The following SYT7 variants were observed in gnomAD, a reference collection of about 807,000 sequenced individuals.
SYT7 encodes the protein synaptotagmin 7.
In SYT7, 29 loss-of-function variants were observed where a neutral mutation model predicts 75.1. The ratio of observed to expected loss-of-function variants is 0.39; its 90% CI spans 0.29 to 0.53. The LOEUF (loss-of-function observed/expected upper bound fraction) is 0.53, where lower values mean the gene tolerates loss of function less well. SYT7 is among the 20% of genes least tolerant of loss of function. The probability of loss-of-function intolerance (pLI) is 0.77; values close to 1 mark genes in which losing one functional copy is unlikely to be tolerated. For missense variants in SYT7, 693 were observed against 953.2 expected, an observed-to-expected ratio of 0.73 and a Z score of 3.59; for synonymous variants, 376 against 401.7, an observed-to-expected ratio of 0.94 and a Z score of 0.76.
chr11:61,538,327 AG>A (rs1565180172), intron 6 of SYT7, 61 bp from the exon 7 acceptor site: 21 of 662,400 alleles, frequency 3.2e-5, no homozygotes, highest in Non-Finnish European at 4.1e-5. Flanking sequence ...GGGCGGGGGC[AG>A]GGGGGAAGGA....
chr11:61,546,832 C>A lies in SYT7; in HGVS notation c.347+345G>T, dbSNP rs2063206056. 6.6e-6 allele frequency among the ~76,000 whole-genome samples: 1 copy of A among 152,216 alleles called. No homozygotes were observed. The highest frequency in any genetic ancestry group is 1.9e-4 in the East Asian group (1 of 5,158). On this transcript the variant is annotated intron_variant, in intron 4 of 12. Coordinates refer to ENST00000539008, the MANE Select transcript of SYT7 (RefSeq NM_001365809.2). This position sits in a 1 kb window ranked among gnomAD's most constrained non-coding sequence, Gnocchi z 7.6. The stretch of plus-strand genomic sequence containing the variant: ...AGCGGGGAGGAAGAAGCGACCACAA[C>A]CGAGGGGGCGGGACCCAAACGGGCA...
rs538589159 is a variant in SYT7, at chr11:61,557,365, T to G, written c.32-1158A>C. On this transcript the variant is annotated intron_variant, in intron 1 of 12. Coordinates refer to ENST00000539008, the MANE Select transcript of SYT7 (RefSeq NM_001365809.2). The stretch of plus-strand genomic sequence containing the variant: ...TTAAGAGTTGACAGTATCTGTCTGG[T>G]TCTGGTTCCTGCGGTTTTAGCTTCT... Among the ~76,000 whole-genome samples the G allele has an allele frequency of 4.1e-3, 617 of 152,326 alleles. 4 individuals carry two copies. Among genetic ancestry groups the G allele is most frequent in the African/African-American group, 0.014 (595 of 41,558 alleles).
At chr11:61,557,113 C>T (rs566315541) in intron 1 of SYT7, among the ~76,000 whole-genome samples, 1 of 152,294 alleles carries the variant, frequency 6.6e-6, no homozygotes, top group Non-Finnish European at 1.5e-5. Context: ...CAGACCTCCT[C>T]CCCCGCCCTC....
At position 61,580,675 on chromosome 11, in the gene SYT7, C is replaced by T; in HGVS notation, c.31+115G>A. 1 of 669,792 alleles carries T rather than the reference C, an allele frequency of 1.5e-6. No homozygotes were observed. The allele number at this position is 669,792 out of a possible 1,614,324, so 41.5% of individuals were successfully genotyped here. A position where few individuals can be genotyped will look rare whatever the true frequency, so the allele number is the denominator to read the frequency against. ...GGGCTGGGATGACCCCTGGGGGAGC[C>T]CGTGCGGCTCCGGGCGGACAACAGC... On this transcript the variant is annotated intron_variant, in intron 1 of 12. Coordinates refer to ENST00000539008, the MANE Select transcript of SYT7 (RefSeq NM_001365809.2). The surrounding 1 kb of genome is among the most constrained non-coding windows in gnomAD (Gnocchi z 6.1).
intron 1 of SYT7, among the ~76,000 whole-genome samples, chr11:61,564,608 C>T (rs2063719003): frequency 6.6e-6 from 1 of 152,218 alleles, no homozygotes; most frequent in African/African-American, 2.4e-5. Flanking sequence ...AACCCTGTGG[C>T]TCTTACTCTT....
the SYT7 span, among the ~76,000 whole-genome samples, chr11:61,586,154 C>G: frequency 2.6e-5 from 4 of 152,336 alleles, no homozygotes; most frequent in African/African-American, 9.6e-5. Flanking sequence ...ACCCTGTAAC[C>G]TCTTCATCCA....
intron 5 of SYT7, 81 bp downstream of exon 5, chr11:61,545,950 C>T: frequency 3.9e-6 from 5 of 1,292,242 alleles, no homozygotes; most frequent in Non-Finnish European, 5.3e-6. Flanking sequence ...CAGCAGCGGG[C>T]ATGCCAGGGG....
At chr11:61,573,073 G>C (rs527300933) in intron 1 of SYT7, among the ~76,000 whole-genome samples, 5 of 133,832 alleles carry the variant, frequency 3.7e-5, no homozygotes, top group South Asian at 2.1e-4. Context: ...GGCATGGAGA[G>C]GGGGGGTGGC....
At chr11:61,556,440 T>C (rs1438898598) in intron 1 of SYT7, among the ~76,000 whole-genome samples, 1 of 152,220 alleles carries the variant, frequency 6.6e-6, no homozygotes, top group Non-Finnish European at 1.5e-5. Flanking sequence ...TTGGCATCTT[T>C]CTCTGTCTCT....
chr11:61,564,616 C>CT lies in SYT7; in HGVS notation c.32-8410dup, dbSNP rs1313983905. ...GACCTCAAACCCTGTGGCTCTTACT[C>CT]TTGTTCCACCCTAGGGGAGCCACGC... On this transcript the variant is annotated intron_variant, in intron 1 of 12. Transcript: ENST00000539008. Among the ~76,000 whole-genome samples, 4 of 152,172 alleles carry CT rather than the reference C, an allele frequency of 2.6e-5. No homozygotes were observed. The South Asian group carries it at 8.3e-4, about 32-fold the overall frequency.
chr11:61,562,006 G>A (rs375390233), intron 1 of SYT7, among the ~76,000 whole-genome samples: 1 of 151,588 alleles, frequency 6.6e-6, no homozygotes, highest in Non-Finnish European at 1.5e-5. Flanking sequence ...TTTTACAAGT[G>A]TGTGTGCGCG....
Position 61,542,462 on chromosome 11 carries a change from C to T in SYT7, c.690G>A (p.Pro230=), listed in dbSNP as rs750165520. ...GCCGGCCCCGCTGGTGCTGGCTCAG[C>T]GGCTGTTGCAGGCTCTGCTGCCGCA... ...TLMRQQSLQQ[P]LSQHQRGRQP... The change falls in exon 6 of 13, where the codon CCG becomes CCA. Residue 230 remains proline (P), a synonymous_variant. Transcript: ENST00000539008. This position sits in a 1 kb window ranked among gnomAD's most constrained non-coding sequence, Gnocchi z 7.8. 34 of 1,532,844 alleles carry T rather than the reference C, an allele frequency of 2.2e-5. No individual in the cohort carries two copies. The highest frequency in any genetic ancestry group is 8.2e-5 in the African/African-American group (6 of 72,888). The allele number at this position is 1,532,844 out of a possible 1,614,324, so 95.0% of individuals were successfully genotyped here.
intron 1 of SYT7, among the ~76,000 whole-genome samples, chr11:61,563,848 T>A (rs994607164): frequency 6.6e-6 from 1 of 152,212 alleles, no homozygotes; most frequent in Admixed American, 6.5e-5. Flanking sequence ...CTTCCCCAAC[T>A]GGGAGCACCT....
chr11:61,575,365 G>A (rs1253863766), intron 1 of SYT7, among the ~76,000 whole-genome samples: 2 of 152,186 alleles, frequency 1.3e-5, no homozygotes, highest in Non-Finnish European at 2.9e-5. Context: ...TCACTACAGA[G>A]ATGATAGGCA....
intron 2 of SYT7, among the ~76,000 whole-genome samples, chr11:61,552,425 T>A (rs1565194167): frequency 6.6e-6 from 1 of 151,998 alleles, no homozygotes; most frequent in Non-Finnish European, 1.5e-5. Context: ...ATTCTCCCAC[T>A]GGGCACTGGC....
intron 7 of SYT7, chr11:61,533,573 G>A: frequency 1.0e-6 from 1 of 985,318 alleles, no homozygotes; most frequent in Middle Eastern, 5.2e-4. Flanking sequence ...CTGCAAACAC[G>A]CCCAGAATGT....
chr11:61,577,629 G>GAGGCCCGCTGTGCCA (rs1262869275), intron 1 of SYT7, among the ~76,000 whole-genome samples: 1 of 152,222 alleles, frequency 6.6e-6, no homozygotes, highest in African/African-American at 2.4e-5. Flanking sequence ...CTTGAGAGAA[G>GAGGCCCGCTGTGCCA]AGGCCCGCTG....
upstream of SYT7, among the ~76,000 whole-genome samples, chr11:61,581,390 G>A (rs1179101808): frequency 1.3e-5 from 2 of 151,978 alleles, no homozygotes; most frequent in East Asian, 3.9e-4. Flanking sequence ...CCCCCAGCCC[G>A]TGCTCCCCCG....
chr11:61,540,199 T>A (rs1318817329), intron 6 of SYT7: 3 of 151,496 alleles, frequency 2.0e-5, no homozygotes, highest in Non-Finnish European at 4.4e-5. Flanking sequence ...AGGCTGGCAA[T>A]GTTAGGGGAG....
Sources: allele counts gnomAD v4.1 joint callset (sites outside exome capture counted in the v4.1 genomes callset), GRCh38; gene constraint gnomAD v4.1.1; non-coding constraint Gnocchi (gnomAD v3.1); transcripts MANE v1.5; gene names NCBI Gene and HGNC (gene_info 2026-07-23, HGNC 2026-07-21).